The following CTNNA3 variants were observed in gnomAD, a reference collection of about 807,000 sequenced individuals.
CTNNA3 encodes catenin alpha 3.
A neutral mutation model predicts 95.7 loss-of-function variants in CTNNA3; 76 were observed. The ratio of observed to expected loss-of-function variants is 0.79; its 90% CI spans 0.66 to 0.96. The LOEUF (loss-of-function observed/expected upper bound fraction) is 0.96. Ranked by LOEUF, CTNNA3 falls within the 40% of genes least tolerant of loss-of-function variation. CTNNA3 has a pLI of 0.00. For missense variants in CTNNA3, 1,191 were observed against 1,089.8 expected, an observed-to-expected ratio of 1.09 and a Z score of -1.31; for synonymous variants, 431 against 374.4, an observed-to-expected ratio of 1.15 and a Z score of -1.74.
At chr10:67,573,840 A>G (rs1292729691) in intron 3 of CTNNA3, among the ~76,000 whole-genome samples, 1 of 152,118 alleles carries the variant, frequency 6.6e-6, no homozygotes, top group African/African-American at 2.4e-5. Flanking sequence ...TAATCTCATT[A>G]AAAATAAGTT....
chr10:67,760,435 CAT>C (rs1331324003), intron 1 of CTNNA3, among the ~76,000 whole-genome samples: 1 of 152,176 alleles, frequency 6.6e-6, no homozygotes, highest in Non-Finnish European at 1.5e-5. Flanking sequence ...CCAATACACT[CAT>C]GTGTCACTTA....
At chr10:66,442,360 T>G (rs2093381115) in intron 11 of CTNNA3, among the ~76,000 whole-genome samples, 2 of 152,146 alleles carry the variant, frequency 1.3e-5, no homozygotes, top group South Asian at 4.1e-4. Context: ...AGGTTTTTTT[T>G]TCCTAAAGTT....
chr10:66,103,720 G>C (rs889855552), intron 13 of CTNNA3, among the ~76,000 whole-genome samples: 3 of 152,090 alleles, frequency 2.0e-5, no homozygotes, highest in African/African-American at 7.2e-5. Flanking sequence ...TAGGTGCTAG[G>C]GGAAAGGGGA....
At chr10:66,316,600 T>G (rs1451634808) in intron 12 of CTNNA3, among the ~76,000 whole-genome samples, 1 of 151,890 alleles carries the variant, frequency 6.6e-6, no homozygotes, top group Admixed American at 6.6e-5. Flanking sequence ...GTTAACCTAA[T>G]GTGCACATCT....
At chr10:67,699,137 C>A (rs1841013011), upstream of CTNNA3, among the ~76,000 whole-genome samples, 2 of 152,220 alleles carry the variant, frequency 1.3e-5, no homozygotes, top group African/African-American at 4.8e-5. Context: ...TCACCTCACA[C>A]ACTGCATTAT....
chr10:66,021,759 C>A (rs997217724), intron 15 of CTNNA3, among the ~76,000 whole-genome samples: 1 of 150,516 alleles, frequency 6.6e-6, no homozygotes, highest in African/African-American at 2.4e-5. Context: ...CAATACTAAA[C>A]TTAGAATATT....
intron 15 of CTNNA3, among the ~76,000 whole-genome samples, chr10:66,038,149 T>G (rs2079605135): frequency 6.6e-6 from 1 of 152,250 alleles, no homozygotes; most frequent in Admixed American, 6.5e-5. Flanking sequence ...CAGTTTCATG[T>G]CTATATGTAA....
chr10:65,999,013 T>A (rs1215026311), intron 15 of CTNNA3, among the ~76,000 whole-genome samples: 1 of 152,116 alleles, frequency 6.6e-6, no homozygotes, highest in Non-Finnish European at 1.5e-5. Flanking sequence ...CTAACAACAA[T>A]GAAAACCTGG....
intron 11 of CTNNA3, among the ~76,000 whole-genome samples, chr10:66,477,126 C>CT (rs1422691476): frequency 7.2e-5 from 11 of 151,998 alleles, no homozygotes; most frequent in Non-Finnish European, 7.4e-5. Flanking sequence ...TGTCAGTACT[C>CT]TGTTATTTAA....
intron 1 of CTNNA3, among the ~76,000 whole-genome samples, chr10:67,691,305 G>A (rs1003602736): frequency 9.9e-5 from 15 of 152,204 alleles, no homozygotes; most frequent in Middle Eastern, 3.2e-3. Flanking sequence ...GCCTCTGCCT[G>A]GCCACCACCC....
chr10:66,325,239 T>G (rs554829771), intron 12 of CTNNA3, among the ~76,000 whole-genome samples: 6 of 152,228 alleles, frequency 3.9e-5, no homozygotes, highest in African/African-American at 1.4e-4. Context: ...TAGTATTGAC[T>G]GTTTTCTGTA....
At chr10:67,197,557 G>T (rs1863436131) in intron 6 of CTNNA3, among the ~76,000 whole-genome samples, 1 of 152,076 alleles carries the variant, frequency 6.6e-6, no homozygotes, top group African/African-American at 2.4e-5. Context: ...GAAAATGACT[G>T]CTGGGTGGTG....
intron 7 of CTNNA3, among the ~76,000 whole-genome samples, chr10:67,171,926 G>A (rs1862038977): frequency 6.6e-6 from 1 of 152,162 alleles, no homozygotes; most frequent in African/African-American, 2.4e-5. Flanking sequence ...AATATTGGGA[G>A]TTTATCAAAT....
At chr10:66,333,900 A>C (rs2092362797) in intron 12 of CTNNA3, among the ~76,000 whole-genome samples, 1 of 151,880 alleles carries the variant, frequency 6.6e-6, no homozygotes, top group African/African-American at 2.4e-5. Flanking sequence ...TTGCTTTATG[A>C]ATCTGGGTGC....
chr10:67,144,134 T>C (rs1394562786), intron 7 of CTNNA3, among the ~76,000 whole-genome samples: 1 of 152,190 alleles, frequency 6.6e-6, no homozygotes, highest in Non-Finnish European at 1.5e-5. Flanking sequence ...ACCAGGTGCA[T>C]TGTCAATGAG....
intron 1 of CTNNA3, among the ~76,000 whole-genome samples, chr10:67,702,451 T>C (rs1841047058): frequency 6.6e-6 from 1 of 152,148 alleles, no homozygotes; most frequent in Non-Finnish European, 1.5e-5. Context: ...GCAATCAAAC[T>C]ACAACTCAAG....
intron 7 of CTNNA3, among the ~76,000 whole-genome samples, chr10:66,972,154 AC>A (rs1849757121): frequency 6.6e-6 from 1 of 152,138 alleles, no homozygotes; most frequent in Non-Finnish European, 1.5e-5. Flanking sequence ...CAAATTAACA[AC>A]ATATAGTCAA....
rs35292826 is a variant in CTNNA3, at chr10:67,179,494, C to CAAAA, written c.1047+819_1047+822dup. 6.1e-3 allele frequency among the ~76,000 whole-genome samples: 517 copies of CAAAA among 85,252 alleles called. 2 individuals carry two copies. Among genetic ancestry groups the CAAAA allele is most frequent in the African/African-American group, 0.017 (489 of 29,044 alleles). 55.9% of individuals were successfully genotyped at this position (85,252 alleles called of 152,430 possible). On this transcript the variant is annotated intron_variant, in intron 7 of 17. Transcript: ENST00000433211. ...ACAATATTTCTGATAGCTAAAACTTCAAAAAAAAAAAAAAAAAAAACTAGA... is the reference window on the plus strand; with the variant it reads ...ACAATATTTCTGATAGCTAAAACTTCAAAAAAAAAAAAAAAAAAAAAAAACTAGA...
At chr10:67,142,637 A>T (rs1271967695) in intron 7 of CTNNA3, among the ~76,000 whole-genome samples, 1 of 152,190 alleles carries the variant, frequency 6.6e-6, no homozygotes, top group Non-Finnish European at 1.5e-5. Flanking sequence ...ACCTTATTTT[A>T]AAAATATTGC....
Sources: gnomAD v4.1 joint callset for allele counts (sites outside exome capture counted in the v4.1 genomes callset) on GRCh38, gnomAD v4.1.1 for gene constraint, MANE v1.5 for transcripts, NCBI Gene and HGNC (gene_info 2026-07-23, HGNC 2026-07-21) for gene names.